The following GRIK2 variants were observed in gnomAD, a reference collection of about 807,000 sequenced individuals.
GRIK2 encodes glutamate receptor ionotropic, kainate 2.
Under a neutral mutation model 100.3 loss-of-function variants are expected in GRIK2, and 32 were observed. The ratio of observed to expected loss-of-function variants is 0.32; its 90% CI spans 0.24 to 0.43. GRIK2 has a LOEUF of 0.43. GRIK2 is among the 20% of genes least tolerant of loss of function. The pLI is 1.00. For synonymous variants in GRIK2, 417 were observed against 389.4 expected (o/e 1.07, Z -0.83); for missense variants, 843 against 1,114.9 (o/e 0.76, Z 3.47).
At chr6:101,840,675 GT>G (rs1276098026) in intron 10 of GRIK2, among the ~76,000 whole-genome samples, 3 of 152,106 alleles carry the variant, frequency 2.0e-5, no homozygotes, top group Non-Finnish European at 4.4e-5. Context: ...TTTATATATA[GT>G]GACATTAATT....
At chr6:101,595,688 G>GTATATATA (rs141047474) in intron 2 of GRIK2, among the ~76,000 whole-genome samples, 166 of 130,854 alleles carry the variant, frequency 1.3e-3, no homozygotes, top group African/African-American at 4.7e-3. Flanking sequence ...ATTTGTGCAT[G>GTATATATA]TATATATATA....
At chr6:101,540,166 A>G (rs923660869) in intron 2 of GRIK2, among the ~76,000 whole-genome samples, 2 of 150,982 alleles carry the variant, frequency 1.3e-5, no homozygotes, top group African/African-American at 4.9e-5. Flanking sequence ...TTCTTTTGCA[A>G]CTCCATCTTA....
At chr6:101,796,531 A>G (rs1780315040) in intron 7 of GRIK2, among the ~76,000 whole-genome samples, 1 of 152,198 alleles carries the variant, frequency 6.6e-6, no homozygotes, top group Admixed American at 6.5e-5. Flanking sequence ...AATCTACATA[A>G]TATCACCAAA....
intron 10 of GRIK2, among the ~76,000 whole-genome samples, chr6:101,828,494 G>C (rs933149810): frequency 6.6e-6 from 1 of 151,788 alleles, no homozygotes; most frequent in Middle Eastern, 3.4e-3. Flanking sequence ...ATGGGTCTTC[G>C]AAAGGATAAC....
intron 10 of GRIK2, among the ~76,000 whole-genome samples, chr6:101,850,820 A>G (rs1410974171): frequency 6.6e-6 from 1 of 152,116 alleles, no homozygotes; most frequent in African/African-American, 2.4e-5. Flanking sequence ...ATGAGAAATC[A>G]GTTAAGTTGC....
At chr6:101,625,411 TA>T (rs951400676) in intron 3 of GRIK2, among the ~76,000 whole-genome samples, 1 of 150,852 alleles carries the variant, frequency 6.6e-6, no homozygotes, top group African/African-American at 2.4e-5. Flanking sequence ...AATAAATAAA[TA>T]AATAAATATG....
chr6:102,017,484 G>T (rs1420063585), intron 14 of GRIK2, among the ~76,000 whole-genome samples: 1 of 152,006 alleles, frequency 6.6e-6, no homozygotes, highest in Non-Finnish European at 1.5e-5. Context: ...ATATTCCTAG[G>T]TATAGTTTTT....
chr6:101,653,819 C>T (rs1023000965), intron 4 of GRIK2, among the ~76,000 whole-genome samples: 1 of 151,986 alleles, frequency 6.6e-6, no homozygotes, highest in African/African-American at 2.4e-5. Context: ...TGGGGTTTCA[C>T]TATGTCGGCC....
chr6:101,663,609 T>C (rs932391643), intron 4 of GRIK2, among the ~76,000 whole-genome samples: 1 of 152,246 alleles, frequency 6.6e-6, no homozygotes, highest in Non-Finnish European at 1.5e-5. Flanking sequence ...CTGTGTCTTC[T>C]TTTAAAAAGA....
At chr6:102,005,473 C>T (rs1246293647) in intron 14 of GRIK2, among the ~76,000 whole-genome samples, 1 of 151,942 alleles carries the variant, frequency 6.6e-6, no homozygotes, top group East Asian at 1.9e-4. Context: ...GATTCTTGGC[C>T]AAGAAGAACA....
chr6:102,007,840 A>G (rs933815985), intron 14 of GRIK2, among the ~76,000 whole-genome samples: 2 of 152,042 alleles, frequency 1.3e-5, no homozygotes, highest in African/African-American at 2.4e-5. Flanking sequence ...TGGACATTTT[A>G]TTGTCCCTTA....
intron 7 of GRIK2, among the ~76,000 whole-genome samples, chr6:101,798,648 C>T (rs774624385): frequency 1.1e-4 from 16 of 151,812 alleles, no homozygotes; most frequent in Non-Finnish European, 2.2e-4. Flanking sequence ...TTTCACAGCT[C>T]ACTAATTGTG....
intron 2 of GRIK2, among the ~76,000 whole-genome samples, chr6:101,494,282 G>A (rs1582573610): frequency 6.6e-6 from 1 of 150,896 alleles, no homozygotes; most frequent in Admixed American, 6.6e-5. Flanking sequence ...ACTACTGCTC[G>A]AACTGTTAAA....
chr6:101,613,762 GAAA>G (rs77889004), intron 2 of GRIK2, among the ~76,000 whole-genome samples: 391 of 107,288 alleles, frequency 3.6e-3, no homozygotes, highest in Middle Eastern at 0.016. Flanking sequence ...GCTGTGTTCA[GAAA>G]AAAAAAAAAA....
At chr6:101,784,139 A>G (rs1484307264) in intron 7 of GRIK2, among the ~76,000 whole-genome samples, 1 of 152,238 alleles carries the variant, frequency 6.6e-6, no homozygotes, top group Non-Finnish European at 1.5e-5. Context: ...TCTAAGGCAT[A>G]TCAGAGACCT....
At chr6:101,728,548 A>G (rs1016487118) in intron 7 of GRIK2, among the ~76,000 whole-genome samples, 1 of 152,084 alleles carries the variant, frequency 6.6e-6, no homozygotes, top group Non-Finnish European at 1.5e-5. Context: ...CATGGGCTCT[A>G]AAGAAAACCA....
intron 7 of GRIK2, among the ~76,000 whole-genome samples, chr6:101,710,584 C>A (rs559179165): frequency 1.3e-5 from 2 of 151,754 alleles, no homozygotes; most frequent in Non-Finnish European, 2.9e-5. Flanking sequence ...AAACAAAACA[C>A]TTTATAATAA....
intron 4 of GRIK2, among the ~76,000 whole-genome samples, chr6:101,645,809 T>C (rs1351328250): frequency 1.3e-5 from 2 of 151,938 alleles, no homozygotes; most frequent in African/African-American, 2.4e-5. Context: ...TTAATGGTAA[T>C]AGAATATTTT....
intron 11 of GRIK2, among the ~76,000 whole-genome samples, chr6:101,873,217 G>T (rs1785550853): frequency 1.3e-5 from 2 of 151,256 alleles, no homozygotes; most frequent in South Asian, 4.2e-4. Flanking sequence ...TTTACATTAG[G>T]TATATCTCCT....
Sources: gnomAD v4.1 joint callset for allele counts (sites outside exome capture counted in the v4.1 genomes callset) on GRCh38, gnomAD v4.1.1 for gene constraint, MANE v1.5 for transcripts, NCBI Gene and HGNC (gene_info 2026-07-23, HGNC 2026-07-21) for gene names.